The following MARCO variants were observed in gnomAD, a reference collection of about 807,000 sequenced individuals.
MARCO encodes macrophage receptor MARCO.
MARCO carries 72 observed loss-of-function variants against 70.0 expected under a neutral mutation model. The ratio of observed to expected loss-of-function variants is 1.03; its 90% CI spans 0.85 to 1.25. MARCO has a LOEUF of 1.25. Ranked by LOEUF, MARCO falls within the 50% of genes most tolerant of loss-of-function variation. The pLI is 0.00. For missense variants in MARCO, 696 were observed against 659.3 expected (o/e 1.06, Z -0.61); for synonymous variants, 273 against 243.1 (o/e 1.12, Z -1.14).
chr2:118,960,921 G>A lies in MARCO; in HGVS notation c.98-8239G>A, dbSNP rs568923526. 5.3e-5 allele frequency among the ~76,000 whole-genome samples: 8 copies of A among 152,114 alleles called. No individual in the cohort carries two copies. In the South Asian group the frequency reaches 1.7e-3, roughly 32 times the overall value. ...CACCCCCTGACTGGCCCCAGTGTGTGTTGTTCCCCTCCTTGTGTCCACGTG... is the reference window on the plus strand; with the variant it reads ...CACCCCCTGACTGGCCCCAGTGTGTATTGTTCCCCTCCTTGTGTCCACGTG... On this transcript the variant is annotated intron_variant, in intron 1 of 16. Coordinates refer to ENST00000327097, the MANE Select transcript of MARCO (RefSeq NM_006770.4).
At chr2:118,952,824 C>A (rs1985119) in intron 1 of MARCO, 1 of 152,030 alleles carries the variant, frequency 6.6e-6, no homozygotes, top group Non-Finnish European at 1.5e-5. Flanking sequence ...TATCCCCATA[C>A]GATTGCCACC....
intron 6 of MARCO, among the ~76,000 whole-genome samples, chr2:118,976,145 T>C (rs1352178653): frequency 6.6e-6 from 1 of 152,182 alleles, no homozygotes; most frequent in African/African-American, 2.4e-5. Context: ...TCCCCTTCTC[T>C]TTAGGACTCT....
At chr2:118,986,782 G>A (rs114735646) in intron 12 of MARCO, among the ~76,000 whole-genome samples, 3,689 of 143,746 alleles carry the variant, frequency 0.026, 449 homozygotes, top group African/African-American at 0.1. Flanking sequence ...AAGAAAGAGT[G>A]TGAGAGAAAA....
At chr2:118,992,987 C>T (rs1680650713) in intron 15 of MARCO, 137 bp from the exon 16 acceptor site, 2 of 805,222 alleles carry the variant, frequency 2.5e-6, no homozygotes, top group Admixed American at 2.7e-5. Context: ...GTGGGATCTT[C>T]CAGGCTCTGG....
chr2:118,962,093 C>A (rs1430247295), intron 1 of MARCO, among the ~76,000 whole-genome samples: 1 of 152,114 alleles, frequency 6.6e-6, no homozygotes, highest in Non-Finnish European at 1.5e-5. Flanking sequence ...TGTTTTTGTA[C>A]CAGTACTATG....
intron 1 of MARCO, among the ~76,000 whole-genome samples, chr2:118,948,954 G>A (rs962791578): frequency 8.5e-5 from 13 of 152,288 alleles, no homozygotes; most frequent in African/African-American, 3.1e-4. Flanking sequence ...CTAAGGGCAG[G>A]TGTATGAATA....
chr2:118,978,489 T>C (rs1470250562), intron 8 of MARCO, among the ~76,000 whole-genome samples: 1 of 152,212 alleles, frequency 6.6e-6, no homozygotes, highest in Non-Finnish European at 1.5e-5. Flanking sequence ...GCTTATGGGC[T>C]CTGGACTTGA....
At chr2:118,992,920 T>C (rs2104615881) in intron 15 of MARCO, 1 of 548,912 alleles carries the variant, frequency 1.8e-6, no homozygotes, top group Admixed American at 3.4e-5. Context: ...TGTGGCCTTG[T>C]GCCTGCAGGC....
In MARCO at chr2:118,994,412, T is replaced by G. The variant is rs757699085; in HGVS notation, c.1455T>G (p.Asn485Lys). The change falls in exon 17 of 17, where the codon AAT (asparagine) becomes AAG (lysine). Residue 485 changes from asparagine to lysine, a missense_variant. Physicochemically the swap from Asn to Lys is moderately conservative, Grantham distance 94. This residue lies in a region of MARCO where 58 missense variants were observed against 62.1 expected (regional missense o/e 0.93). Coordinates refer to ENST00000327097, the MANE Select transcript of MARCO (RefSeq NM_006770.4). Reference sequence around the variant, plus strand: ...GCACTGGGCAGATCTGGCTGGATAATGTTCAGTGTCGGGGCACGGAGAGTA... The same window carrying G: ...GCACTGGGCAGATCTGGCTGGATAAGGTTCAGTGTCGGGGCACGGAGAGTA... The part of the protein sequence containing the change: ...GAGTGQIWLD[N>K]VQCRGTESTL... 1 of 1,614,204 alleles carries G rather than the reference T, an allele frequency of 6.2e-7. No individual in the cohort carries two copies. Among genetic ancestry groups the G allele is most frequent in the Non-Finnish European group, 8.5e-7 (1 of 1,180,036 alleles).
chr2:118,976,610 G>A (rs1293758688), intron 6 of MARCO, among the ~76,000 whole-genome samples: 1 of 152,112 alleles, frequency 6.6e-6, no homozygotes, highest in Admixed American at 6.5e-5. Context: ...ATGTGGGTGG[G>A]AATCACCGTT....
intron 1 of MARCO, among the ~76,000 whole-genome samples, chr2:118,948,841 A>G (rs1679656555): frequency 1.3e-5 from 2 of 152,116 alleles, no homozygotes; most frequent in South Asian, 4.2e-4. Context: ...TTGATGAAAT[A>G]CTAGAGTAAA....
intron 1 of MARCO, among the ~76,000 whole-genome samples, chr2:118,949,076 G>C (rs1224118504): frequency 6.6e-6 from 1 of 152,206 alleles, no homozygotes; most frequent in Non-Finnish European, 1.5e-5. Context: ...AGGTAAAATT[G>C]GTTTTGGAAG....
At chr2:118,983,001 T>C in intron 12 of MARCO, among the ~76,000 whole-genome samples, 1 of 152,230 alleles carries the variant, frequency 6.6e-6, no homozygotes, top group Non-Finnish European at 1.5e-5. Context: ...TGTGCTTGCT[T>C]GGTCTAGAAA....
chr2:118,971,422 A>G (rs1443372410), intron 3 of MARCO, 77 bp from the exon 4 acceptor site: 14 of 1,429,618 alleles, frequency 9.8e-6, no homozygotes, highest in African/African-American at 1.4e-5. Flanking sequence ...CCACTGCAGA[A>G]CCTGGGCACT....
chr2:118,954,677 T>A (rs971558980), intron 1 of MARCO, among the ~76,000 whole-genome samples: 1 of 152,210 alleles, frequency 6.6e-6, no homozygotes, highest in African/African-American at 2.4e-5. Context: ...CACCCTCTGC[T>A]GCGTCCGCTG....
intron 1 of MARCO, among the ~76,000 whole-genome samples, chr2:118,962,502 A>G (rs1182063367): frequency 6.6e-6 from 1 of 152,026 alleles, no homozygotes; most frequent in African/African-American, 2.4e-5. Flanking sequence ...TTCATTCACA[A>G]TTTTGTTCTC....
At position 118,970,007 on chromosome 2, in the gene MARCO, G is replaced by A. The variant is rs1430402703; in HGVS notation, c.200-107G>A. Reference sequence around the variant, plus strand: ...GGTCCTGACAGCACATGGAATTTGTGTTTACAAATTCAGGGCCTGTAGAAG... The same window carrying A: ...GGTCCTGACAGCACATGGAATTTGTATTTACAAATTCAGGGCCTGTAGAAG... On this transcript the variant is annotated intron_variant, in intron 2 of 16. Coordinates refer to ENST00000327097, the MANE Select transcript of MARCO (RefSeq NM_006770.4). 11 of 972,408 alleles carry A rather than the reference G, an allele frequency of 1.1e-5. No homozygotes were observed. In the East Asian group the frequency reaches 2.4e-4, roughly 21 times the overall value. 60.2% of individuals were successfully genotyped at this position (972,408 alleles called of 1,614,324 possible).
At chr2:118,958,132 T>G (rs966303959) in intron 1 of MARCO, among the ~76,000 whole-genome samples, 63 of 152,000 alleles carry the variant, frequency 4.1e-4, no homozygotes, top group African/African-American at 1.5e-3. Context: ...TTCAACATAG[T>G]GCTGAAAGTC....
intron 14 of MARCO, among the ~76,000 whole-genome samples, chr2:118,992,136 C>A (rs1390651769): frequency 6.6e-6 from 1 of 152,212 alleles, no homozygotes; most frequent in African/African-American, 2.4e-5. Flanking sequence ...CGACCCAACA[C>A]TCCTAGGCAG....
Sources: gnomAD v4.1 joint callset for allele counts (sites outside exome capture counted in the v4.1 genomes callset) on GRCh38, gnomAD v4.1.1 for gene constraint, gnomAD v4.1.1 regional missense constraint, MANE v1.5 for transcripts, NCBI Gene and HGNC (gene_info 2026-07-23, HGNC 2026-07-21) for gene names.